Variants in DLG2 observed in about 807,000 individuals in gnomAD.
The protein encoded by DLG2 is discs large MAGUK scaffold protein 2.
Under a neutral mutation model 132.5 loss-of-function variants are expected in DLG2, and 45 were observed. The observed-to-expected ratio is 0.34, with a 90% CI of 0.27 to 0.44. The LOEUF is 0.44. Ranked by LOEUF, DLG2 falls within the 20% of genes least tolerant of loss-of-function variation. DLG2 has a pLI of 1.00. For missense variants in DLG2, 1,045 were observed against 1,196.9 expected, an observed-to-expected ratio of 0.87 and a Z score of 1.87; for synonymous variants, 424 against 419.6, an observed-to-expected ratio of 1.01 and a Z score of -0.13.
At chr11:84,722,804 G>A (rs1394851699) in intron 6 of DLG2, among the ~76,000 whole-genome samples, 1 of 152,094 alleles carries the variant, frequency 6.6e-6, no homozygotes, top group Non-Finnish European at 1.5e-5. Context: ...CTAAGGTTTT[G>A]GGATTCTTAC....
intron 8 of DLG2, among the ~76,000 whole-genome samples, chr11:84,187,380 A>G (rs1025790324): frequency 4.6e-5 from 7 of 151,960 alleles, no homozygotes; most frequent in African/African-American, 1.4e-4. Context: ...TGGTTTGTCA[A>G]TTTTCTTTGA....
At chr11:85,076,605 C>T (rs568858597) in intron 6 of DLG2, among the ~76,000 whole-genome samples, 3 of 152,032 alleles carry the variant, frequency 2.0e-5, no homozygotes, top group Non-Finnish European at 2.9e-5. Context: ...TCCTCACTGA[C>T]GCTCAGCACC....
At chr11:85,328,561 AC>A in intron 3 of DLG2, among the ~76,000 whole-genome samples, 1 of 41,968 alleles carries the variant, frequency 2.4e-5, no homozygotes, top group South Asian at 1.7e-3. Context: ...AAAGCCTTTG[AC>A]AAAATTCAAC....
At chr11:84,217,208 T>C (rs2096847272) in intron 8 of DLG2, among the ~76,000 whole-genome samples, 3 of 152,230 alleles carry the variant, frequency 2.0e-5, no homozygotes, top group African/African-American at 4.8e-5. Context: ...AGAAATATCA[T>C]GACCATTTAT....
chr11:83,947,118 C>T lies in DLG2; in HGVS notation c.1340+15767G>A, dbSNP rs568874808. 7.2e-5 allele frequency among the ~76,000 whole-genome samples: 11 copies of T among 152,224 alleles called. No individual in the cohort carries two copies. The East Asian group carries it at 1.9e-3, about 27-fold the overall frequency. ...GCTATGCATATATTTAATTTCTGTG[C>T]TCATATAATGATGGTCTACAAAAAT... On this transcript the variant is annotated intron_variant, in intron 14 of 27. Coordinates refer to ENST00000376104, the MANE Select transcript of DLG2 (RefSeq NM_001142699.3).
At chr11:85,005,269 C>T (rs952658429) in intron 6 of DLG2, among the ~76,000 whole-genome samples, 9 of 152,076 alleles carry the variant, frequency 5.9e-5, no homozygotes, top group Admixed American at 3.9e-4. Context: ...TGAAGAAAGT[C>T]GGTGATAGCT....
At chr11:83,627,711 T>C (rs1472609507) in intron 19 of DLG2, among the ~76,000 whole-genome samples, 2 of 152,238 alleles carry the variant, frequency 1.3e-5, no homozygotes, top group Non-Finnish European at 2.9e-5. Flanking sequence ...TGATTTATAA[T>C]CCTTTGGGTA....
intron 19 of DLG2, among the ~76,000 whole-genome samples, chr11:83,627,968 T>C (rs982705812): frequency 6.6e-6 from 1 of 152,248 alleles, no homozygotes; most frequent in African/African-American, 2.4e-5. Flanking sequence ...TGGCCAGTGA[T>C]GATGAGTATT....
intron 7 of DLG2, among the ~76,000 whole-genome samples, chr11:84,483,430 C>CAA (rs56086759): frequency 0.13 from 11,519 of 90,018 alleles, 2,241 homozygotes; most frequent in African/African-American, 0.42. Flanking sequence ...GACTCCGCCT[C>CAA]AAAAAAAAAA....
intron 18 of DLG2, among the ~76,000 whole-genome samples, chr11:83,661,678 G>A (rs1490158404): frequency 6.6e-6 from 1 of 152,050 alleles, no homozygotes; most frequent in Non-Finnish European, 1.5e-5. Context: ...CCACGGCTTG[G>A]AATAAGGACA....
intron 7 of DLG2, among the ~76,000 whole-genome samples, chr11:84,352,587 G>A (rs2098584409): frequency 6.6e-6 from 1 of 152,212 alleles, no homozygotes; most frequent in Non-Finnish European, 1.5e-5. Flanking sequence ...ATTTGTGGGT[G>A]TAAGTGAAGG....
intron 7 of DLG2, among the ~76,000 whole-genome samples, chr11:84,429,895 A>T (rs1339466322): frequency 1.3e-5 from 2 of 152,216 alleles, no homozygotes; most frequent in Non-Finnish European, 2.9e-5. Flanking sequence ...AACTAGACTG[A>T]AACAAGGCTA....
intron 4 of DLG2, among the ~76,000 whole-genome samples, chr11:85,157,377 A>T (rs2077664254): frequency 6.6e-6 from 1 of 152,188 alleles, no homozygotes; most frequent in Non-Finnish European, 1.5e-5. Flanking sequence ...CGACCCAAAA[A>T]TGCTAAAGGC....
chr11:84,813,487 A>C (rs1324343902), intron 6 of DLG2, among the ~76,000 whole-genome samples: 1 of 152,150 alleles, frequency 6.6e-6, no homozygotes, highest in Non-Finnish European at 1.5e-5. Flanking sequence ...TTCTACTCTA[A>C]GACCCAAACT....
At chr11:85,263,051 G>A (rs964927267) in intron 4 of DLG2, among the ~76,000 whole-genome samples, 1 of 152,106 alleles carries the variant, frequency 6.6e-6, no homozygotes, top group African/African-American at 2.4e-5. Flanking sequence ...TTCTCTCAGG[G>A]CATCCCCCCA....
chr11:84,214,200 T>G lies in DLG2; in HGVS notation c.573+37038A>C, dbSNP rs915419595. Among the ~76,000 whole-genome samples the G allele has an allele frequency of 5.4e-5, 8 of 147,146 alleles. No individual in the cohort carries two copies. The East Asian group carries it at 1.6e-3, about 29-fold the overall frequency. ...GAGCCAAAACTAGGGTCTTCATATATATATACATATATATATGAATACATA... is the reference window on the plus strand; with the variant it reads ...GAGCCAAAACTAGGGTCTTCATATAGATATACATATATATATGAATACATA... On this transcript the variant is annotated intron_variant, in intron 8 of 27. Transcript: ENST00000376104.
chr11:83,946,731 G>A (rs1244820386), intron 14 of DLG2, among the ~76,000 whole-genome samples: 1 of 152,004 alleles, frequency 6.6e-6, no homozygotes, highest in Non-Finnish European at 1.5e-5. Flanking sequence ...TTTCACTGGC[G>A]AATACACACA....
intron 18 of DLG2, among the ~76,000 whole-genome samples, chr11:83,649,976 G>T (rs2069595627): frequency 6.6e-6 from 1 of 152,196 alleles, no homozygotes; most frequent in Non-Finnish European, 1.5e-5. Context: ...AAACATATTA[G>T]GGGTTTGCTA....
Position 85,542,729 on chromosome 11 carries a change from C to T in DLG2, c.40+55928G>A, listed in dbSNP as rs535845235. On this transcript the variant is annotated intron_variant, in intron 3 of 27. Transcript: ENST00000376104. Reference sequence around the variant, plus strand: ...GTCATAGCATAATCATTTGACATGACATTTCATAGGCAAAAATGTCAAAGT... The same window carrying T: ...GTCATAGCATAATCATTTGACATGATATTTCATAGGCAAAAATGTCAAAGT... Among the ~76,000 whole-genome samples the T allele has an allele frequency of 1.1e-4, 17 of 152,290 alleles. No individual in the cohort carries two copies. In the South Asian group the frequency reaches 3.5e-3, roughly 32 times the overall value.
Sources: gnomAD v4.1 joint callset for allele counts (sites outside exome capture counted in the v4.1 genomes callset) on GRCh38, gnomAD v4.1.1 for gene constraint, MANE v1.5 for transcripts, NCBI Gene and HGNC (gene_info 2026-07-23, HGNC 2026-07-21) for gene names.